PLCB1: variants seen among roughly 807,000 people sequenced by gnomAD.
The protein encoded by PLCB1 is 1-phosphatidylinositol 4,5-bisphosphate phosphodiesterase beta-1.
A neutral mutation model predicts 161.8 loss-of-function variants in PLCB1; 46 were observed. The ratio of observed to expected loss-of-function variants is 0.28; its 90% CI spans 0.22 to 0.36. PLCB1 has a LOEUF of 0.36. Ranked by LOEUF, PLCB1 falls within the 10% of genes least tolerant of loss-of-function variation. PLCB1 has a pLI of 1.00. For missense variants in PLCB1, 1,016 were observed against 1,472.5 expected, an observed-to-expected ratio of 0.69 and a Z score of 5.07; for synonymous variants, 517 against 503.7, an observed-to-expected ratio of 1.03 and a Z score of -0.35.
chr20:8,578,492 A>C (rs543933634), intron 3 of PLCB1, among the ~76,000 whole-genome samples: 3 of 152,354 alleles, frequency 2.0e-5, no homozygotes, highest in Admixed American at 1.3e-4. Flanking sequence ...CCATAACTGG[A>C]AGTTGTGATG....
chr20:8,769,135 G>T (rs1982533844), intron 26 of PLCB1, among the ~76,000 whole-genome samples: 1 of 152,134 alleles, frequency 6.6e-6, no homozygotes, highest in Non-Finnish European at 1.5e-5. Flanking sequence ...GACAGTTCTT[G>T]TCTTCCTCAG....
chr20:8,209,307 T>C, intron 2 of PLCB1, among the ~76,000 whole-genome samples: 1 of 152,142 alleles, frequency 6.6e-6, no homozygotes, highest in Non-Finnish European at 1.5e-5. Context: ...ACAAGCCAGT[T>C]TGCAGTTTTT....
At chr20:8,277,344 T>C (rs548304442) in intron 2 of PLCB1, among the ~76,000 whole-genome samples, 1 of 152,236 alleles carries the variant, frequency 6.6e-6, no homozygotes, top group African/African-American at 2.4e-5. Context: ...TTATTTTAAA[T>C]GAATAGTTAT....
chr20:8,447,816 G>A (rs552054811), intron 3 of PLCB1, among the ~76,000 whole-genome samples: 1 of 152,166 alleles, frequency 6.6e-6, no homozygotes, highest in African/African-American at 2.4e-5. Context: ...GGGCTGAAGT[G>A]GGGGAGGGCA....
chr20:8,737,188 A>G lies in PLCB1; in HGVS notation c.2204A>G (p.Lys735Arg). 1.2e-6 allele frequency: 2 copies of G among 1,613,358 alleles called. No homozygotes were observed. Among genetic ancestry groups the G allele is most frequent in the Non-Finnish European group, 8.5e-7 (1 of 1,179,554 alleles). Residue 735 changes from lysine (K) to arginine (R), a missense_variant, in exon 20 of 32, where the codon AAA (lysine) becomes AGA (arginine). Coordinates refer to ENST00000338037, the MANE Select transcript of PLCB1 (RefSeq NM_015192.4). Reference sequence around the variant, plus strand: ...TGGGAAGAAGAACCTATTGTGTTCAAAAAGGTTGGTCACATGTTCTTGATA... The same window carrying G: ...TGGGAAGAAGAACCTATTGTGTTCAGAAAGGTTGGTCACATGTTCTTGATA... Reference protein sequence around the residue: ...PVWEEEPIVFKKVVLPTLACL... With the variant: ...PVWEEEPIVFRKVVLPTLACL...
intron 31 of PLCB1, among the ~76,000 whole-genome samples, chr20:8,795,890 A>AAAGAAAAG (rs60009737): frequency 2.1e-5 from 3 of 139,780 alleles, no homozygotes; most frequent in African/African-American, 8.2e-5. Context: ...AAAAAAAAAA[A>AAAGAAAAG]AAAAGAAAAG....
intron 3 of PLCB1, among the ~76,000 whole-genome samples, chr20:8,626,611 T>C (rs990955645): frequency 5.9e-5 from 9 of 152,198 alleles, no homozygotes; most frequent in Non-Finnish European, 1.3e-4. Context: ...TAGATCTGAT[T>C]CATCTCCAAA....
chr20:8,833,060 G>T (rs1164322621), intron 31 of PLCB1, among the ~76,000 whole-genome samples: 1 of 152,150 alleles, frequency 6.6e-6, no homozygotes. Flanking sequence ...ATTTAAAGAT[G>T]TTATAAAGGT....
chr20:8,232,439 T>C (rs1568599406), intron 2 of PLCB1, among the ~76,000 whole-genome samples: 1 of 152,194 alleles, frequency 6.6e-6, no homozygotes, highest in Non-Finnish European at 1.5e-5. Flanking sequence ...TGATGTCTGC[T>C]GCTCTGCTCT....
chr20:8,206,951 T>C lies in PLCB1; in HGVS notation c.177+56580T>C, dbSNP rs551953807. ...TTTAAAATGCAACAATATGGAAATA[T>C]TGAGATGTAAAATTAGGGAAAAATA... On this transcript the variant is annotated intron_variant, in intron 2 of 31. Coordinates refer to ENST00000338037, the MANE Select transcript of PLCB1 (RefSeq NM_015192.4). 2.0e-4 allele frequency among the ~76,000 whole-genome samples: 31 copies of C among 151,874 alleles called. 1 individual carries two copies. The highest frequency in any genetic ancestry group is 5.9e-4 in the Admixed American group (9 of 15,232).
chr20:8,810,422 G>A (rs966209864), intron 31 of PLCB1, among the ~76,000 whole-genome samples: 20 of 151,996 alleles, frequency 1.3e-4, no homozygotes, highest in African/African-American at 4.6e-4. Flanking sequence ...TTGGGAGGCT[G>A]GTATGAGGGA....
intron 31 of PLCB1, among the ~76,000 whole-genome samples, chr20:8,841,010 G>T (rs1033309599): frequency 6.6e-6 from 1 of 152,054 alleles, no homozygotes; most frequent in Non-Finnish European, 1.5e-5. Context: ...AAAAATTTTT[G>T]TATTTTTAGT....
intron 2 of PLCB1, among the ~76,000 whole-genome samples, chr20:8,369,226 G>A (rs1261032792): frequency 1.3e-5 from 2 of 152,114 alleles, no homozygotes; most frequent in African/African-American, 4.8e-5. Flanking sequence ...GGAAACTGCA[G>A]CGTGTTTTAT....
rs549403848 is a variant in PLCB1, at chr20:8,848,235, A to G, written c.3424-33387A>G. On this transcript the variant is annotated intron_variant, in intron 31 of 31. Coordinates refer to ENST00000338037, the MANE Select transcript of PLCB1 (RefSeq NM_015192.4). Reference sequence around the variant, plus strand: ...CAAGGTCTGGAAGAGTCCCAAGAACATGAGCTTATGATCCTACGGAGTTAG... The same window carrying G: ...CAAGGTCTGGAAGAGTCCCAAGAACGTGAGCTTATGATCCTACGGAGTTAG... Among the ~76,000 whole-genome samples, 218 of 152,304 alleles carry G rather than the reference A, an allele frequency of 1.4e-3. 1 individual carries two copies. Among genetic ancestry groups the G allele is most frequent in the African/African-American group, 5.0e-3 (206 of 41,558 alleles).
chr20:8,546,090 A>G (rs1167888863), intron 3 of PLCB1, among the ~76,000 whole-genome samples: 2 of 151,878 alleles, frequency 1.3e-5, no homozygotes, highest in East Asian at 1.9e-4. Context: ...GCCGAGGCGG[A>G]CGGATCACGA....
chr20:8,359,381 G>A (rs1986467606), intron 2 of PLCB1, among the ~76,000 whole-genome samples: 1 of 152,066 alleles, frequency 6.6e-6, no homozygotes, highest in South Asian at 2.1e-4. Flanking sequence ...TGAAAGGAAA[G>A]TCAGAGTAGG....
At chr20:8,707,413 A>C (rs1978747923) in intron 11 of PLCB1, among the ~76,000 whole-genome samples, 1 of 152,224 alleles carries the variant, frequency 6.6e-6, no homozygotes, top group Admixed American at 6.5e-5. Flanking sequence ...GTGTATGGGA[A>C]TATGCAACCT....
chr20:8,258,090 C>G (rs1014345957), intron 2 of PLCB1, among the ~76,000 whole-genome samples: 3 of 151,998 alleles, frequency 2.0e-5, no homozygotes, highest in African/African-American at 7.3e-5. Flanking sequence ...ACATGTTTTT[C>G]TAAATACAGA....
Position 8,193,121 on chromosome 20 carries a change from C to A in PLCB1, c.177+42750C>A, listed in dbSNP as rs557104606. 3.9e-5 allele frequency among the ~76,000 whole-genome samples: 6 copies of A among 151,932 alleles called. 1 individual carries two copies. The highest frequency in any genetic ancestry group is 2.6e-4 in the Admixed American group (4 of 15,202). ...GATAAAGAGAACTATTAACTTGACA[C>A]GTATTTTGTAGGAGATGCTGTGGGA... is the stretch of plus-strand genomic sequence containing the variant. On this transcript the variant is annotated intron_variant, in intron 2 of 31. Coordinates refer to ENST00000338037, the MANE Select transcript of PLCB1 (RefSeq NM_015192.4).
Sources: allele counts gnomAD v4.1 joint callset (sites outside exome capture counted in the v4.1 genomes callset), GRCh38; gene constraint gnomAD v4.1.1; transcripts MANE v1.5; gene names NCBI Gene and HGNC (gene_info 2026-07-23, HGNC 2026-07-21).